Variants in CA10 observed in about 807,000 individuals in gnomAD.
CA10 encodes the protein carbonic anhydrase-related protein 10.
Under a neutral mutation model 44.2 loss-of-function variants are expected in CA10, and 14 were observed. The ratio of observed to expected loss-of-function variants is 0.32; its 90% CI spans 0.21 to 0.50. CA10 has a LOEUF of 0.50. Ranked by LOEUF, CA10 falls within the 20% of genes least tolerant of loss-of-function variation. The probability of loss-of-function intolerance (pLI) is 0.99; values close to 1 mark genes in which losing one functional copy is unlikely to be tolerated. For synonymous variants in CA10, 159 were observed against 141.6 expected (o/e 1.12, Z -0.87); for missense variants, 350 against 409.7 (o/e 0.85, Z 1.26).
chr17:51,636,090 A>G (rs1296838095), intron 6 of CA10, 81 bp from the exon 7 acceptor site: 5 of 658,686 alleles, frequency 7.6e-6, no homozygotes, highest in Non-Finnish European at 1.3e-5. Context: ...ACATACATAC[A>G]TATACATATA....
At chr17:51,930,083 T>C (rs1024469193) in intron 3 of CA10, among the ~76,000 whole-genome samples, 1 of 152,082 alleles carries the variant, frequency 6.6e-6, no homozygotes, top group African/African-American at 2.4e-5. Flanking sequence ...ACAAACTTCA[T>C]GGTATTTATG....
chr17:52,114,523 G>A (rs372533613), intron 1 of CA10, among the ~76,000 whole-genome samples: 1 of 152,154 alleles, frequency 6.6e-6, no homozygotes, highest in African/African-American at 2.4e-5. Flanking sequence ...GAAGCTTTTT[G>A]AACTATACAT....
At chr17:52,042,879 C>T (rs1171814677) in intron 2 of CA10, among the ~76,000 whole-genome samples, 1 of 151,986 alleles carries the variant, frequency 6.6e-6, no homozygotes. Flanking sequence ...GTATTCTTGA[C>T]ACCCTTATCA....
At chr17:51,716,485 A>G (rs1916118920) in intron 4 of CA10, among the ~76,000 whole-genome samples, 2 of 152,068 alleles carry the variant, frequency 1.3e-5, no homozygotes, top group African/African-American at 4.8e-5. Context: ...AAAGAAGAGA[A>G]AAAATGCCAA....
chr17:51,944,488 G>A (rs748943043), intron 2 of CA10, among the ~76,000 whole-genome samples: 35 of 152,152 alleles, frequency 2.3e-4, no homozygotes, highest in Middle Eastern at 3.4e-3. Flanking sequence ...TGTGCACAAA[G>A]ACATTAACAA....
intron 2 of CA10, among the ~76,000 whole-genome samples, chr17:52,058,686 C>T (rs775062934): frequency 1.3e-5 from 2 of 152,184 alleles, no homozygotes; most frequent in Non-Finnish European, 2.9e-5. Flanking sequence ...ATCTTGCATA[C>T]CTGGCAGATG....
chr17:51,715,804 C>T (rs764527054), intron 4 of CA10, among the ~76,000 whole-genome samples: 10 of 152,090 alleles, frequency 6.6e-5, no homozygotes, highest in Non-Finnish European at 1.3e-4. Flanking sequence ...AATTCTCCTG[C>T]CACAGCCTCT....
At chr17:51,814,210 T>C (rs1323357571) in intron 3 of CA10, among the ~76,000 whole-genome samples, 3 of 152,194 alleles carry the variant, frequency 2.0e-5, no homozygotes, top group African/African-American at 7.2e-5. Flanking sequence ...ATTAAATTAT[T>C]AATAAATATG....
chr17:51,693,691 G>A (rs952750208), intron 4 of CA10, among the ~76,000 whole-genome samples: 2 of 152,010 alleles, frequency 1.3e-5, no homozygotes, highest in African/African-American at 2.4e-5. Flanking sequence ...TTTTATTTCT[G>A]TGTAGCATTT....
chr17:52,129,447 T>G (rs1989185710), intron 1 of CA10, among the ~76,000 whole-genome samples: 1 of 152,192 alleles, frequency 6.6e-6, no homozygotes, highest in African/African-American at 2.4e-5. Context: ...GCCATTGCTA[T>G]CCTCGTTATG....
chr17:52,060,620 T>C (rs2143089593), intron 2 of CA10, among the ~76,000 whole-genome samples: 1 of 152,300 alleles, frequency 6.6e-6, no homozygotes, highest in Admixed American at 6.5e-5. Context: ...ATGTAATAAA[T>C]GATATCCAAA....
intron 1 of CA10, among the ~76,000 whole-genome samples, chr17:52,079,662 G>A (rs937734978): frequency 2.6e-5 from 4 of 152,142 alleles, no homozygotes; most frequent in African/African-American, 7.2e-5. Context: ...CAGTGGGAAT[G>A]TGGACAAAAG....
At chr17:51,868,891 GTTTT>G (rs75281671) in intron 3 of CA10, among the ~76,000 whole-genome samples, 1 of 139,338 alleles carries the variant, frequency 7.2e-6, no homozygotes, top group African/African-American at 2.6e-5. Context: ...AAGTTTTTTT[GTTTT>G]TTTTTTTTTA....
At chr17:52,098,240 T>C (rs1988453378) in intron 1 of CA10, among the ~76,000 whole-genome samples, 1 of 152,176 alleles carries the variant, frequency 6.6e-6, no homozygotes, top group Non-Finnish European at 1.5e-5. Context: ...AATACATAGG[T>C]TCATGGAAAA....
chr17:51,715,370 T>A (rs1395363261), intron 4 of CA10, among the ~76,000 whole-genome samples: 19 of 151,640 alleles, frequency 1.3e-4, no homozygotes, highest in African/African-American at 2.7e-4. Context: ...TAATAAAATT[T>A]AAAAAAAACC....
intron 2 of CA10, among the ~76,000 whole-genome samples, chr17:51,998,748 A>G (rs929703171): frequency 6.6e-6 from 1 of 152,062 alleles, no homozygotes; most frequent in African/African-American, 2.4e-5. Context: ...CTTTAATGCT[A>G]GGACTCTGGT....
chr17:51,895,976 A>G (rs1305582969), intron 3 of CA10, among the ~76,000 whole-genome samples: 4 of 152,070 alleles, frequency 2.6e-5, no homozygotes, highest in Non-Finnish European at 5.9e-5. Flanking sequence ...TATCAGTTGA[A>G]TTTTTCTAAA....
chr17:51,729,668 C>T (rs1425130526), intron 4 of CA10, among the ~76,000 whole-genome samples: 2 of 152,206 alleles, frequency 1.3e-5, no homozygotes, highest in African/African-American at 4.8e-5. Context: ...CTTCTGCTCC[C>T]TCTTCATTTG....
At chr17:51,687,173 C>G (rs558403304) in intron 4 of CA10, among the ~76,000 whole-genome samples, 1 of 152,338 alleles carries the variant, frequency 6.6e-6, no homozygotes, top group South Asian at 2.1e-4. Flanking sequence ...CATCCCTTAT[C>G]CACCAGGCTC....
Sources: gnomAD v4.1 joint callset for allele counts (sites outside exome capture counted in the v4.1 genomes callset) on GRCh38, gnomAD v4.1.1 for gene constraint, MANE v1.5 for transcripts, NCBI Gene and HGNC (gene_info 2026-07-23, HGNC 2026-07-21) for gene names.